GMDS: variants seen among roughly 807,000 people sequenced by gnomAD.
GMDS encodes the protein GDP-mannose 4,6-dehydratase, also known as GDP-mannose 4,6 dehydratase.
Under a neutral mutation model 49.9 loss-of-function variants are expected in GMDS, and 20 were observed. The ratio of observed to expected loss-of-function variants is 0.40; its 90% CI spans 0.28 to 0.58. The LOEUF (loss-of-function observed/expected upper bound fraction) is 0.58, where lower values mean the gene tolerates loss of function less well. Ranked by LOEUF, GMDS falls within the 20% of genes least tolerant of loss-of-function variation. GMDS has a pLI of 0.42. For missense variants in GMDS, 362 were observed against 481.4 expected (o/e 0.75, Z 2.32); for synonymous variants, 177 against 178.6 (o/e 0.99, Z 0.07).
chr6:1,937,846 G>C (rs1182944804), intron 6 of GMDS, among the ~76,000 whole-genome samples: 1 of 152,098 alleles, frequency 6.6e-6, no homozygotes, highest in Non-Finnish European at 1.5e-5. Context: ...CTTTCTGGGG[G>C]CTACCACCCA....
intron 4 of GMDS, among the ~76,000 whole-genome samples, chr6:1,980,729 C>T (rs1765177669): frequency 1.3e-5 from 2 of 151,892 alleles, no homozygotes; most frequent in South Asian, 4.2e-4. Context: ...AACTGTCCAC[C>T]CAGAAACATT....
intron 9 of GMDS, among the ~76,000 whole-genome samples, chr6:1,702,642 G>A (rs564067153): frequency 5.3e-4 from 81 of 152,306 alleles, no homozygotes; most frequent in South Asian, 1.7e-3. Context: ...TAATACTACT[G>A]TTGATAAGGG....
chr6:1,712,377 T>C (rs1383569418), intron 9 of GMDS, among the ~76,000 whole-genome samples: 4 of 152,242 alleles, frequency 2.6e-5, no homozygotes, highest in African/African-American at 9.6e-5. Context: ...AAGTAGAAGA[T>C]GTAAGTAGCT....
At chr6:1,969,291 G>GAC (rs1764464469) in intron 4 of GMDS, among the ~76,000 whole-genome samples, 1 of 92,978 alleles carries the variant, frequency 1.1e-5, no homozygotes, top group Non-Finnish European at 2.3e-5. Flanking sequence ...AAAAAAAAAA[G>GAC]AGAAAGAAAG....
At position 2,187,836 on chromosome 6, in the gene GMDS, T is replaced by G. The variant is rs549158242; in HGVS notation, c.102+57485A>C. 8.5e-5 allele frequency among the ~76,000 whole-genome samples: 13 copies of G among 152,322 alleles called. No individual in the cohort carries two copies. The South Asian group carries it at 2.5e-3, about 29-fold the overall frequency. On this transcript the variant is annotated intron_variant, in intron 1 of 10. Coordinates refer to ENST00000380815, the MANE Select transcript of GMDS (RefSeq NM_001500.4). ...AAGGAGACTGTTATTTAAAAAGGGC[T>G]TCAATAAAATTTCTAAAGAACAGGA... is the stretch of plus-strand genomic sequence containing the variant.
intron 9 of GMDS, chr6:1,626,255 G>GT (rs1762846959): frequency 2.0e-5 from 3 of 152,184 alleles, no homozygotes; most frequent in African/African-American, 7.2e-5. Context: ...TTTTTCAAAC[G>GT]CTTTGCATTT....
At chr6:2,185,758 T>G (rs1034215529) in intron 1 of GMDS, among the ~76,000 whole-genome samples, 1 of 152,186 alleles carries the variant, frequency 6.6e-6, no homozygotes, top group African/African-American at 2.4e-5. Context: ...CCCAATTTCC[T>G]GAAGCCTCAT....
At chr6:2,042,301 A>C (rs558283753) in intron 4 of GMDS, among the ~76,000 whole-genome samples, 1 of 152,310 alleles carries the variant, frequency 6.6e-6, no homozygotes, top group East Asian at 1.9e-4. Context: ...CACAACGGCT[A>C]AGGAAATTTC....
intron 7 of GMDS, 130 bp downstream of exon 7, chr6:1,929,973 T>G: frequency 1.3e-6 from 1 of 777,224 alleles, no homozygotes; most frequent in South Asian, 1.9e-5. Flanking sequence ...GCAGCATGAG[T>G]GTAAACATAC....
chr6:2,232,687 G>A (rs768957498), intron 1 of GMDS, among the ~76,000 whole-genome samples: 4 of 152,172 alleles, frequency 2.6e-5, no homozygotes, highest in Non-Finnish European at 4.4e-5. Context: ...ATGAGGAACA[G>A]CACCCAAAAT....
intron 4 of GMDS, among the ~76,000 whole-genome samples, chr6:1,994,394 G>A (rs563381755): frequency 2.0e-5 from 3 of 152,120 alleles, no homozygotes; most frequent in Non-Finnish European, 4.4e-5. Context: ...TTCCCATGAG[G>A]GAAATGATAT....
intron 1 of GMDS, among the ~76,000 whole-genome samples, chr6:2,243,843 C>CTT (rs68171156): frequency 0.026 from 1,522 of 58,266 alleles, 92 homozygotes; most frequent in Non-Finnish European, 0.038. Flanking sequence ...ACTTCTCCTT[C>CTT]TTTTTTTTTT....
intron 7 of GMDS, among the ~76,000 whole-genome samples, chr6:1,797,184 C>T (rs961643784): frequency 2.0e-5 from 3 of 152,142 alleles, no homozygotes; most frequent in African/African-American, 4.8e-5. Flanking sequence ...GTGAACTGCA[C>T]GTGCGAGGGA....
chr6:2,070,507 CTGAT>C (rs1308631042), intron 4 of GMDS, among the ~76,000 whole-genome samples: 1 of 152,082 alleles, frequency 6.6e-6, no homozygotes, highest in African/African-American at 2.4e-5. Context: ...ATCTAGCAAT[CTGAT>C]GGATGAGGTC....
intron 4 of GMDS, among the ~76,000 whole-genome samples, chr6:1,994,586 T>A (rs1362506470): frequency 1.3e-5 from 2 of 151,908 alleles, no homozygotes; most frequent in East Asian, 1.9e-4. Flanking sequence ...TATATCTGGG[T>A]CTCATAGATG....
chr6:2,123,167 G>A (rs1397812939), intron 2 of GMDS, among the ~76,000 whole-genome samples: 1 of 152,092 alleles, frequency 6.6e-6, no homozygotes, highest in Non-Finnish European at 1.5e-5. Flanking sequence ...GAGAATGGTT[G>A]CCATCTACAC....
At chr6:1,738,083 CCACACACATACACACCACACATAT>C in intron 8 of GMDS, among the ~76,000 whole-genome samples, 1 of 145,718 alleles carries the variant, frequency 6.9e-6, no homozygotes, top group African/African-American at 2.6e-5. Flanking sequence ...CACACACACA[CCACACACATACACACCACACATAT>C]ACACACACAC....
chr6:1,786,506 G>A (rs226446), intron 7 of GMDS, among the ~76,000 whole-genome samples: 43,750 of 152,152 alleles, frequency 0.29, 6,334 homozygotes, highest in Middle Eastern at 0.34. Context: ...TGGGCAGGAG[G>A]GGACCTCAGC....
At chr6:1,860,996 T>C (rs777096276) in intron 7 of GMDS, among the ~76,000 whole-genome samples, 6 of 152,200 alleles carry the variant, frequency 3.9e-5, no homozygotes, top group Non-Finnish European at 8.8e-5. Flanking sequence ...CAGACTCCAC[T>C]GTTAGGGCAA....
Sources: allele counts gnomAD v4.1 joint callset (sites outside exome capture counted in the v4.1 genomes callset), GRCh38; gene constraint gnomAD v4.1.1; transcripts MANE v1.5; gene names NCBI Gene and HGNC (gene_info 2026-07-23, HGNC 2026-07-21).